The following ARID5B variants were observed in gnomAD, a reference collection of about 807,000 sequenced individuals.
ARID5B encodes the protein AT-rich interactive domain-containing protein 5B.
Under a neutral mutation model 97.2 loss-of-function variants are expected in ARID5B, and 13 were observed. That is an observed-to-expected ratio of 0.13 (90% CI 0.09 to 0.21). The LOEUF (loss-of-function observed/expected upper bound fraction) is 0.21, where lower values mean the gene tolerates loss of function less well. Ranked by LOEUF, ARID5B falls within the 10% of genes least tolerant of loss-of-function variation. The pLI, the probability that ARID5B is intolerant of heterozygous loss-of-function variation, is 1.00. For synonymous variants in ARID5B, 556 were observed against 570.3 expected (o/e 0.97, Z 0.36); for missense variants, 1,210 against 1,465.3 (o/e 0.83, Z 2.84).
At chr10:62,058,448 A>T (rs1330251908) in intron 6 of ARID5B, among the ~76,000 whole-genome samples, 1 of 152,200 alleles carries the variant, frequency 6.6e-6, no homozygotes, top group Non-Finnish European at 1.5e-5. Context: ...CTCATGTAAA[A>T]AAATCAAATC....
chr10:61,944,749 A>G (rs1470603299), intron 3 of ARID5B, among the ~76,000 whole-genome samples: 2 of 152,226 alleles, frequency 1.3e-5, no homozygotes, highest in Non-Finnish European at 2.9e-5. Flanking sequence ...GGTTATTAAA[A>G]CAGCATTTTC....
At chr10:61,979,276 G>A (rs536191554) in intron 3 of ARID5B, among the ~76,000 whole-genome samples, 1 of 152,308 alleles carries the variant, frequency 6.6e-6, no homozygotes, top group East Asian at 1.9e-4. Flanking sequence ...TGGCATTGTG[G>A]AACAGTTATT....
chr10:62,095,648 T>A lies in ARID5B; in HGVS notation c.*2618T>A, dbSNP rs1242680088. ...GTACGCATTCCCAACAGAAGCAGTG[T>A]GTTATTTGTTTTAAAACTCTGAACA... On this transcript the variant is annotated 3_prime_UTR_variant, in exon 10 of 10. Transcript: ENST00000279873. 2.1e-5 allele frequency: 5 copies of A among 233,056 alleles called. No homozygotes were observed. The highest frequency in any genetic ancestry group is 1.1e-4 in the African/African-American group (5 of 45,306). 14.4% of individuals were successfully genotyped at this position (233,056 alleles called of 1,614,324 possible).
At chr10:62,006,396 C>A (rs1839147340) in intron 4 of ARID5B, among the ~76,000 whole-genome samples, 1 of 152,234 alleles carries the variant, frequency 6.6e-6, no homozygotes, top group African/African-American at 2.4e-5. Flanking sequence ...GAGCCAAGAT[C>A]GCGCCATTGT....
In ARID5B at chr10:62,057,318, A is replaced by C; in HGVS notation, c.1048A>C (p.Ile350Leu). Residue 350 changes from isoleucine to leucine, a missense_variant and splice_region_variant, in exon 6 of 10, where the codon ATT (isoleucine) becomes CTT (leucine). Ile to Leu is a conservative substitution (Grantham distance 5, BLOSUM62 2). Around this residue, in one of 8 missense-constraint regions of ARID5B, gnomAD observed 59 missense variants for 156.7 expected, o/e 0.38. Transcript: ENST00000279873. ...AATACCCTATTTAGGTTTTAAACAG[A>C]GTGAGTATACTTGTTTTCGTTTCTG... ...ERIPYLGFKQINLWTMFQAAQ... is the reference protein window; with the variant it reads ...ERIPYLGFKQLNLWTMFQAAQ... The C allele has an allele frequency of 5.6e-6, 9 of 1,612,198 alleles. No homozygotes were observed. The highest frequency in any genetic ancestry group is 7.6e-6 in the Non-Finnish European group (9 of 1,178,954).
At chr10:62,027,571 C>A (rs1216893098) in intron 4 of ARID5B, among the ~76,000 whole-genome samples, 1 of 151,882 alleles carries the variant, frequency 6.6e-6, no homozygotes, top group Non-Finnish European at 1.5e-5. Context: ...CTTCGGCCTC[C>A]CAAAGTGCTG....
intron 8 of ARID5B, among the ~76,000 whole-genome samples, chr10:62,077,475 A>T (rs1253164438): frequency 2.0e-5 from 3 of 152,176 alleles, no homozygotes; most frequent in Non-Finnish European, 4.4e-5. Context: ...GCACAAACTA[A>T]TCAAGTGTGT....
At chr10:62,006,999 G>A (rs115258113) in intron 4 of ARID5B, among the ~76,000 whole-genome samples, 83 of 152,236 alleles carry the variant, frequency 5.5e-4, no homozygotes, top group African/African-American at 1.9e-3. Context: ...CTAGAAAAGC[G>A]AGAAAGTTAT....
chr10:62,036,132 C>T (rs1279011608), intron 4 of ARID5B, among the ~76,000 whole-genome samples: 1 of 152,040 alleles, frequency 6.6e-6, no homozygotes, highest in East Asian at 1.9e-4. Flanking sequence ...GCCAAGGAAG[C>T]TTTTAAGCGA....
chr10:61,917,101 G>C (rs1191336817), intron 2 of ARID5B, among the ~76,000 whole-genome samples: 1 of 151,514 alleles, frequency 6.6e-6, no homozygotes, highest in Non-Finnish European at 1.5e-5. Context: ...AGGAGTTCAG[G>C]GTGAACCATG....
intron 2 of ARID5B, among the ~76,000 whole-genome samples, chr10:61,910,456 T>C (rs548144114): frequency 1.3e-5 from 2 of 152,354 alleles, no homozygotes; most frequent in South Asian, 4.1e-4. Flanking sequence ...ATTTATCGAT[T>C]GTTGGCTTAA....
At chr10:61,962,709 C>T (rs1034093701) in intron 3 of ARID5B, among the ~76,000 whole-genome samples, 25 of 152,304 alleles carry the variant, frequency 1.6e-4, no homozygotes, top group African/African-American at 5.8e-4. Flanking sequence ...AGAATAGAGG[C>T]ATAAAATATC....
At chr10:61,921,722 A>G (rs1325178774) in intron 2 of ARID5B, among the ~76,000 whole-genome samples, 1 of 152,198 alleles carries the variant, frequency 6.6e-6, no homozygotes, top group African/African-American at 2.4e-5. Context: ...CTTCGAGGCC[A>G]CCTATTACAG....
At chr10:61,910,180 T>C (rs1339080419) in intron 2 of ARID5B, among the ~76,000 whole-genome samples, 2 of 152,218 alleles carry the variant, frequency 1.3e-5, no homozygotes, top group Non-Finnish European at 2.9e-5. Context: ...TTTTATGAAA[T>C]ACAAGAGTCC....
At chr10:62,003,331 C>T (rs1839105171) in intron 4 of ARID5B, among the ~76,000 whole-genome samples, 1 of 152,004 alleles carries the variant, frequency 6.6e-6, no homozygotes, top group Non-Finnish European at 1.5e-5. Context: ...AGGAATTTAG[C>T]AGTGGGCTGG....
intron 8 of ARID5B, among the ~76,000 whole-genome samples, chr10:62,075,203 C>A (rs1840112017): frequency 6.6e-6 from 1 of 152,232 alleles, no homozygotes; most frequent in African/African-American, 2.4e-5. Context: ...GACCAGCCCA[C>A]ACTGTTGCTG....
chr10:62,004,920 G>T (rs1302264279), intron 4 of ARID5B, among the ~76,000 whole-genome samples: 1 of 152,222 alleles, frequency 6.6e-6, no homozygotes, highest in Non-Finnish European at 1.5e-5. Flanking sequence ...TAAATGAGAT[G>T]AAATCAATTA....
At chr10:61,936,145 T>C (rs1475668696) in intron 2 of ARID5B, among the ~76,000 whole-genome samples, 2 of 152,216 alleles carry the variant, frequency 1.3e-5, no homozygotes, top group African/African-American at 4.8e-5. Context: ...TCATAGCATC[T>C]TGACTTTTAT....
chr10:62,042,682 C>T (rs1448759815), intron 4 of ARID5B, among the ~76,000 whole-genome samples: 5 of 152,014 alleles, frequency 3.3e-5, no homozygotes, highest in Non-Finnish European at 7.4e-5. Flanking sequence ...GAGGACGAGG[C>T]GGTTGGATCA....
Sources: gnomAD v4.1 joint callset for allele counts (sites outside exome capture counted in the v4.1 genomes callset) on GRCh38, gnomAD v4.1.1 for gene constraint, gnomAD v4.1.1 regional missense constraint, MANE v1.5 for transcripts, NCBI Gene and HGNC (gene_info 2026-07-23, HGNC 2026-07-21) for gene names.